MSANTD5: variants seen among roughly 807,000 people sequenced by gnomAD.
MSANTD5 encodes Myb/SANT DNA binding domain containing 5, also known as uncharacterized protein MSANTD5.
chr5:178,706,274 A>G, the MSANTD5 span, among the ~76,000 whole-genome samples: 4 of 152,128 alleles, frequency 2.6e-5, no homozygotes, highest in African/African-American at 9.7e-5. Flanking sequence ...TAATTTTGGT[A>G]GAAATTGCCT....
chr5:178,697,658 T>C (rs559190034), exon 1 of MSANTD5: 12 of 152,204 alleles, frequency 7.9e-5, no homozygotes, highest in Admixed American at 5.9e-4. Flanking sequence ...AGTTCCTGAG[T>C]TGGCGGAACA....
chr5:178,696,054 G>C (rs1248398685), intron 2 of MSANTD5, 43 bp downstream of exon 2: 1 of 152,104 alleles, frequency 6.6e-6, no homozygotes, highest in Non-Finnish European at 1.5e-5. Context: ...AGGTGGGCTG[G>C]AAAATTTTCT....
In MSANTD5 at chr5:178,697,433, G is replaced by A. The variant is rs572457424; in HGVS notation, c.6+153C>T. Among the ~76,000 whole-genome samples, 415 of 152,042 alleles carry A rather than the reference G, an allele frequency of 2.7e-3. 3 individuals are homozygous for A. Among genetic ancestry groups the A allele is most frequent in the African/African-American group, 9.4e-3 (390 of 41,336 alleles). ...CGCGCCCCTGCACTCCAGCCTGGGC[G>A]ACAGAGCGAGACTCCGTCTCAAAAA... On this transcript the variant is annotated intron_variant, in intron 1 of 3. Coordinates refer to ENST00000648368, the Ensembl canonical transcript of MSANTD5.
At chr5:178,704,145 T>C in the MSANTD5 span, among the ~76,000 whole-genome samples, 24 of 152,120 alleles carry the variant, frequency 1.6e-4, no homozygotes, top group African/African-American at 4.6e-4. Context: ...TCCCAAATAA[T>C]TCACACAGCC....
downstream of MSANTD5, among the ~76,000 whole-genome samples, chr5:178,694,153 C>T (rs35035045): frequency 1.4e-4 from 22 of 151,746 alleles, no homozygotes; most frequent in Non-Finnish European, 3.2e-4. Flanking sequence ...TCCATTTCTA[C>T]TAAAAATACA....
At chr5:178,694,315 CAAA>C (rs56778816), downstream of MSANTD5, among the ~76,000 whole-genome samples, 9 of 61,532 alleles carry the variant, frequency 1.5e-4, no homozygotes, top group Admixed American at 7.7e-4. Flanking sequence ...GACTCCATCT[CAAA>C]AAAAAAAAAA....
intron 1 of MSANTD5, among the ~76,000 whole-genome samples, chr5:178,696,466 T>G (rs1765413716): frequency 1.3e-5 from 2 of 152,280 alleles, no homozygotes; most frequent in Non-Finnish European, 1.5e-5. Context: ...CCTCAAGTGA[T>G]CCGCCTGTCT....
At chr5:178,700,495 G>A (rs1364882497), upstream of MSANTD5, among the ~76,000 whole-genome samples, 1 of 151,614 alleles carries the variant, frequency 6.6e-6, no homozygotes, top group African/African-American at 2.4e-5. Context: ...CACGGGCTTT[G>A]CCATGAACTA....
chr5:178,693,711 G>C (rs1179054803), downstream of MSANTD5, among the ~76,000 whole-genome samples: 1 of 151,934 alleles, frequency 6.6e-6, no homozygotes, highest in Non-Finnish European at 1.5e-5. Context: ...CCTGCTGATT[G>C]GTCTATTTTA....
At chr5:178,699,941 A>ATATGCACCAAGCCTGTTTCT (rs1554092738), upstream of MSANTD5, among the ~76,000 whole-genome samples, 2 of 152,122 alleles carry the variant, frequency 1.3e-5, no homozygotes, top group Non-Finnish European at 1.5e-5. Flanking sequence ...GTGGCTTTCC[A>ATATGCACCAAGCCTGTTTCT]GCACAGACAT....
chr5:178,697,361 G>A (rs750322981), intron 1 of MSANTD5, among the ~76,000 whole-genome samples: 1 of 152,070 alleles, frequency 6.6e-6, no homozygotes, highest in Non-Finnish European at 1.5e-5. Context: ...GGCTGAGGCA[G>A]GAGAATGGCC....
chr5:178,703,286 G>A, the MSANTD5 span, among the ~76,000 whole-genome samples: 1 of 152,218 alleles, frequency 6.6e-6, no homozygotes, highest in Non-Finnish European at 1.5e-5. Flanking sequence ...AGGGTGCTTG[G>A]GCTTGGCCTG....
the MSANTD5 span, among the ~76,000 whole-genome samples, chr5:178,704,099 T>A: frequency 8.0e-4 from 121 of 152,162 alleles, no homozygotes; most frequent in African/African-American, 2.8e-3. Context: ...CCCCAAAAAA[T>A]TTTTAAAAGA....
At chr5:178,697,359 C>A (rs1433263086) in intron 1 of MSANTD5, among the ~76,000 whole-genome samples, 1 of 152,016 alleles carries the variant, frequency 6.6e-6, no homozygotes, top group Non-Finnish European at 1.5e-5. Flanking sequence ...GAGGCTGAGG[C>A]AGGAGAATGG....
the MSANTD5 span, among the ~76,000 whole-genome samples, chr5:178,706,436 G>T: frequency 6.6e-6 from 1 of 152,042 alleles, no homozygotes; most frequent in Non-Finnish European, 1.5e-5. Context: ...TGCTGGGATG[G>T]TGGCAGAGGG....
the MSANTD5 span, among the ~76,000 whole-genome samples, chr5:178,707,364 A>G: frequency 0.23 from 34,982 of 151,826 alleles, 4,434 homozygotes; most frequent in South Asian, 0.36. Flanking sequence ...GAAACGCAGA[A>G]TATGGATAGG....
At chr5:178,701,944 G>A (rs902087615), upstream of MSANTD5, among the ~76,000 whole-genome samples, 11 of 151,002 alleles carry the variant, frequency 7.3e-5, no homozygotes, top group African/African-American at 2.4e-4. Context: ...TGTTGGTCAG[G>A]CTGGTCTCAA....
intron 1 of MSANTD5, among the ~76,000 whole-genome samples, 200 bp from the exon 2 acceptor site, chr5:178,696,381 C>T (rs574080039): frequency 1.3e-5 from 2 of 152,116 alleles, no homozygotes; most frequent in African/African-American, 4.8e-5. Context: ...CACCACCACA[C>T]CTGGCTAATA....
At chr5:178,706,182 T>C in the MSANTD5 span, among the ~76,000 whole-genome samples, 3 of 152,296 alleles carry the variant, frequency 2.0e-5, no homozygotes, top group South Asian at 2.1e-4. Context: ...GATTTTCATA[T>C]GTTGAACCAA....
Sources: gnomAD v4.1 joint callset for allele counts (sites outside exome capture counted in the v4.1 genomes callset) on GRCh38, gnomAD v4.1.1 for gene constraint, MANE v1.5 for transcripts, NCBI Gene and HGNC (gene_info 2026-07-23, HGNC 2026-07-21) for gene names.